SLC12A7: variants seen among roughly 807,000 people sequenced by gnomAD.
SLC12A7 encodes solute carrier family 12 member 7.
SLC12A7 carries 100 observed loss-of-function variants against 120.6 expected under a neutral mutation model. That is an observed-to-expected ratio of 0.83 (90% CI 0.71 to 0.98). SLC12A7 has a LOEUF of 0.98. Among genes scored for constraint, SLC12A7 ranks in the 50% least tolerant of loss-of-function variants. SLC12A7 has a pLI of 0.00. For missense variants in SLC12A7, 1,373 were observed against 1,548.1 expected, an observed-to-expected ratio of 0.89 and a Z score of 1.90; for synonymous variants, 760 against 678.0, an observed-to-expected ratio of 1.12 and a Z score of -1.88.
chr5:1,078,089 A>G, intron 11 of SLC12A7, 82 bp from the exon 12 acceptor site: 2 of 1,461,758 alleles, frequency 1.4e-6, no homozygotes, highest in Non-Finnish European at 1.8e-6. Context: ...ACCCAGAGCG[A>G]GGGGCCCAGT....
At chr5:1,122,339 T>C in the SLC12A7 span, among the ~76,000 whole-genome samples, 1 of 152,014 alleles carries the variant, frequency 6.6e-6, no homozygotes, top group Non-Finnish European at 1.5e-5. Context: ...GGATGAAAAT[T>C]CTGGCTGCCC....
In SLC12A7 at chr5:1,093,638, G is replaced by A. The variant is rs2150879242; in HGVS notation, c.237C>T (p.Asn79=). The change falls in exon 3 of 24, where the codon AAC becomes AAT. Residue 79 remains asparagine (N), a synonymous_variant. Transcript: ENST00000264930. ...MALFEEEMDS[N]PMVSSLLNKL... is the part of the protein sequence containing the mutation. Reference sequence around the variant, plus strand: ...TGTTGAGCAGCGAGGACACCATGGGGTTACTGTCCATCTCCTCCTGCGCGG... The same window carrying A: ...TGTTGAGCAGCGAGGACACCATGGGATTACTGTCCATCTCCTCCTGCGCGG... The A allele has an allele frequency of 1.2e-6, 2 of 1,613,112 alleles. No individual in the cohort carries two copies. Among genetic ancestry groups the A allele is most frequent in the Non-Finnish European group, 8.5e-7 (1 of 1,179,874 alleles).
chr5:1,139,294 C>T, the SLC12A7 span, among the ~76,000 whole-genome samples: 2 of 152,260 alleles, frequency 1.3e-5, no homozygotes, highest in South Asian at 2.1e-4. Flanking sequence ...CCAGGACGTG[C>T]GGCCCCAGTG....
In SLC12A7 at chr5:1,056,353, C is replaced by T. The variant is rs536883316; in HGVS notation, c.3026+1118G>A. Among the ~76,000 whole-genome samples, 3 of 152,264 alleles carry T rather than the reference C, an allele frequency of 2.0e-5. No individual in the cohort carries two copies. The East Asian group carries it at 5.8e-4, about 29-fold the overall frequency. On this transcript the variant is annotated intron_variant, in intron 22 of 23. Coordinates refer to ENST00000264930, the MANE Select transcript of SLC12A7 (RefSeq NM_006598.3). ...GCCTCACTTAGGAAGAGGCTTCAGG[C>T]GTGTGCTGGAGCCACCGTGAACAGA...
intron 1 of SLC12A7, among the ~76,000 whole-genome samples, chr5:1,096,682 AGGGAGGG>A (rs1256657589): frequency 7.2e-5 from 7 of 97,590 alleles, no homozygotes; most frequent in Admixed American, 1.1e-4. Context: ...GGAAGAAAGG[AGGGAGGG>A]GGGAAGGGAG....
intron 3 of SLC12A7, 147 bp downstream of exon 3, chr5:1,093,386 G>A (rs1740737261): frequency 1.2e-6 from 1 of 800,798 alleles, no homozygotes; most frequent in Non-Finnish European, 2.0e-6. Context: ...GCACCATCGA[G>A]CCCTCCCAGG....
At chr5:1,118,085 A>G in the SLC12A7 span, among the ~76,000 whole-genome samples, 1 of 152,204 alleles carries the variant, frequency 6.6e-6, no homozygotes, top group Non-Finnish European at 1.5e-5. Context: ...CAAAAAAAGA[A>G]AAAAAGAACT....
chr5:1,153,257 C>G, the SLC12A7 span, among the ~76,000 whole-genome samples: 1 of 152,178 alleles, frequency 6.6e-6, no homozygotes, highest in Non-Finnish European at 1.5e-5. Context: ...GCACCCACCC[C>G]AAAGAGGAGA....
Position 1,082,769 on chromosome 5 carries a change from T to C in SLC12A7, c.1129+976A>G, listed in dbSNP as rs1264494628. Among the ~76,000 whole-genome samples, 124 of 107,046 alleles carry C rather than the reference T, an allele frequency of 1.2e-3. 2 individuals are homozygous for C. The highest frequency in any genetic ancestry group is 2.6e-3 in the South Asian group (7 of 2,686). 70.2% of individuals were successfully genotyped at this position (107,046 alleles called of 152,430 possible). On this transcript the variant is annotated intron_variant, in intron 8 of 23. Transcript: ENST00000264930. Reference sequence around the variant, plus strand: ...TCTGGAAAGTCCAGGCTTCCCGTCTTGGGTTCTGGAAAGCCTGGGCTTCCC... The same window carrying C: ...TCTGGAAAGTCCAGGCTTCCCGTCTCGGGTTCTGGAAAGCCTGGGCTTCCC...
At chr5:1,094,861 T>A (rs1483048589) in intron 1 of SLC12A7, among the ~76,000 whole-genome samples, 1 of 152,138 alleles carries the variant, frequency 6.6e-6, no homozygotes, top group Non-Finnish European at 1.5e-5. Flanking sequence ...GACCCCTCCA[T>A]GGGGCTGAGC....
At chr5:1,131,770 G>A in the SLC12A7 span, among the ~76,000 whole-genome samples, 3 of 152,206 alleles carry the variant, frequency 2.0e-5, no homozygotes, top group African/African-American at 7.2e-5. Context: ...CACGGGAAAG[G>A]GGCTCCTTTT....
Position 1,076,820 on chromosome 5 carries a change from G to C in SLC12A7, c.1630-8C>G, listed in dbSNP as rs1738401383. 6.3e-7 allele frequency: 1 copy of C among 1,590,736 alleles called. No individual in the cohort carries two copies. Among genetic ancestry groups the C allele is most frequent in the East Asian group, 2.2e-5 (1 of 44,770 alleles). ...CTTCCCGTGGCCAAACACCTGCAGGGAGAAGGGCAGGAAGATGGGGCAGAT... is the reference window on the plus strand; with the variant it reads ...CTTCCCGTGGCCAAACACCTGCAGGCAGAAGGGCAGGAAGATGGGGCAGAT... On this transcript the variant is annotated splice_region_variant and splice_polypyrimidine_tract_variant and intron_variant, in intron 12 of 23. Transcript: ENST00000264930.
At chr5:1,053,211 G>C (rs10063723) in intron 23 of SLC12A7, 138 bp downstream of exon 23, 4 of 1,131,266 alleles carry the variant, frequency 3.5e-6, no homozygotes, top group Admixed American at 2.7e-5. Flanking sequence ...ACTGCATCCC[G>C]GTCGTAGCTC....
chr5:1,067,620 G>A (rs566382436), intron 17 of SLC12A7, among the ~76,000 whole-genome samples: 3 of 152,260 alleles, frequency 2.0e-5, no homozygotes, highest in South Asian at 2.1e-4. Flanking sequence ...GCCACGTCAC[G>A]GGGCCACTTC....
the SLC12A7 span, among the ~76,000 whole-genome samples, chr5:1,127,851 A>T: frequency 1.2e-4 from 18 of 152,334 alleles, no homozygotes; most frequent in African/African-American, 2.9e-4. Flanking sequence ...AGAGAATTTT[A>T]AAAAAGAAGT....
At chr5:1,117,288 T>C in the SLC12A7 span, among the ~76,000 whole-genome samples, 1 of 152,144 alleles carries the variant, frequency 6.6e-6, no homozygotes, top group East Asian at 1.9e-4. The surrounding 1 kb of genome is among the most constrained non-coding windows in gnomAD (Gnocchi z 4.5). Context: ...AAGCAACTAG[T>C]GAAGCCAAGT....
At chr5:1,086,633 G>T (rs1039125594) in intron 6 of SLC12A7, among the ~76,000 whole-genome samples, 16 of 152,248 alleles carry the variant, frequency 1.1e-4, no homozygotes, top group African/African-American at 3.1e-4. Context: ...GCGGGGCTCA[G>T]ATCTACAGTC....
chr5:1,151,713 C>T, the SLC12A7 span, among the ~76,000 whole-genome samples: 9 of 144,802 alleles, frequency 6.2e-5, no homozygotes, highest in Admixed American at 6.2e-4. This position sits in a 1 kb window ranked among gnomAD's most constrained non-coding sequence, Gnocchi z 6.2. Flanking sequence ...AGGCGGGGGG[C>T]AGGGGGTGGG....
chr5:1,073,530 C>T (rs898635707), intron 17 of SLC12A7, 103 bp downstream of exon 17: 2 of 1,294,712 alleles, frequency 1.5e-6, no homozygotes, highest in Admixed American at 2.4e-5. Context: ...CAGCGCCACG[C>T]ACAGCACCGT....
Sources: gnomAD v4.1 joint callset for allele counts (sites outside exome capture counted in the v4.1 genomes callset) on GRCh38, gnomAD v4.1.1 for gene constraint, Gnocchi (gnomAD v3.1) non-coding constraint, MANE v1.5 for transcripts, NCBI Gene and HGNC (gene_info 2026-07-23, HGNC 2026-07-21) for gene names.